Variants in PEX14 observed in about 807,000 individuals in gnomAD.
The protein encoded by PEX14 is peroxisomal membrane protein PEX14.
Under a neutral mutation model 49.5 loss-of-function variants are expected in PEX14, and 15 were observed. The ratio of observed to expected loss-of-function variants is 0.30; its 90% confidence interval spans 0.20 to 0.47. The LOEUF (loss-of-function observed/expected upper bound fraction) is 0.47, where lower values mean the gene tolerates loss of function less well. Ranked by LOEUF, PEX14 falls within the 20% of genes least tolerant of loss-of-function variation. The pLI, the probability that PEX14 is intolerant of heterozygous loss-of-function variation, is 1.00. For synonymous variants in PEX14, 210 were observed against 212.7 expected, an observed-to-expected ratio of 0.99 and a Z score of 0.11; for missense variants, 398 against 494.8, an observed-to-expected ratio of 0.80 and a Z score of 1.86.
chr1:10,504,580 C>T (rs1201962945), intron 2 of PEX14, among the ~76,000 whole-genome samples: 1 of 152,134 alleles, frequency 6.6e-6, no homozygotes, highest in Non-Finnish European at 1.5e-5. Flanking sequence ...CTGTGTCTGC[C>T]AAGAGGCCTT....
chr1:10,481,481 A>C (rs1187614950), intron 1 of PEX14, among the ~76,000 whole-genome samples: 3 of 151,818 alleles, frequency 2.0e-5, no homozygotes, highest in African/African-American at 7.3e-5. Flanking sequence ...TTACTCTGTC[A>C]CCCAGTCTGG....
At chr1:10,585,834 T>C (rs925751236) in intron 3 of PEX14, among the ~76,000 whole-genome samples, 1 of 152,178 alleles carries the variant, frequency 6.6e-6, no homozygotes, top group Admixed American at 6.5e-5. Flanking sequence ...AGACAAAGAT[T>C]GCGGTGAGTG....
intron 3 of PEX14, among the ~76,000 whole-genome samples, chr1:10,571,589 A>T (rs552943252): frequency 6.6e-6 from 1 of 152,150 alleles, no homozygotes; most frequent in Non-Finnish European, 1.5e-5. Flanking sequence ...CGGGCGGATC[A>T]CTTGAGCTTA....
At chr1:10,545,261 T>C (rs893986944) in intron 3 of PEX14, among the ~76,000 whole-genome samples, 12 of 152,228 alleles carry the variant, frequency 7.9e-5, no homozygotes, top group Non-Finnish European at 1.5e-5. Context: ...TGGGTTGTTT[T>C]CAGATTTTGG....
rs142578708 is a variant in PEX14, at chr1:10,596,194, T to C, written c.170-3044T>C. On this transcript the variant is annotated intron_variant, in intron 3 of 8. Coordinates refer to ENST00000356607, the MANE Select transcript of PEX14 (RefSeq NM_004565.3). The stretch of plus-strand genomic sequence containing the variant: ...TTCCAAATGAATCACCTGAGTCCTG[T>C]AAATGCAGTCTTAAAGCTGGCCAGT... Among the ~76,000 whole-genome samples the C allele has an allele frequency of 1.4e-4, 21 of 152,318 alleles. No individual in the cohort carries two copies. The East Asian group carries it at 3.7e-3, about 27-fold the overall frequency.
intron 3 of PEX14, among the ~76,000 whole-genome samples, chr1:10,548,149 G>A (rs1030187188): frequency 2.6e-5 from 4 of 152,188 alleles, no homozygotes; most frequent in South Asian, 2.1e-4. Flanking sequence ...CCCTGGAGGC[G>A]GAGGTTGCAG....
intron 1 of PEX14, among the ~76,000 whole-genome samples, chr1:10,482,880 G>A (rs935125836): frequency 6.6e-6 from 1 of 152,050 alleles, no homozygotes; most frequent in African/African-American, 2.4e-5. Flanking sequence ...ATTTTTTATG[G>A]TATTGACATG....
At chr1:10,565,533 A>C (rs1639777802) in intron 3 of PEX14, among the ~76,000 whole-genome samples, 1 of 152,238 alleles carries the variant, frequency 6.6e-6, no homozygotes, top group Admixed American at 6.5e-5. Context: ...AGTTAGACGC[A>C]GAAAGCCTCT....
In PEX14 at chr1:10,520,148, C is replaced by CTT. The variant is rs565247030; in HGVS notation, c.85-16052_85-16051dup. Among the ~76,000 whole-genome samples the CTT allele has an allele frequency of 1.1e-3, 76 of 69,162 alleles. 2 individuals carry two copies. The highest frequency in any genetic ancestry group is 4.5e-3 in the South Asian group (11 of 2,440). The allele number at this position is 69,162 out of a possible 152,430, so 45.4% of individuals were successfully genotyped here. ...AGCTGTTGTGCCTGGCCTTCTTCTT[C>CTT]TTTTTTTTTTTTTTGTTTTTTTAAC... On this transcript the variant is annotated intron_variant, in intron 2 of 8. Transcript: ENST00000356607.
At chr1:10,576,639 A>G (rs1200671939) in intron 3 of PEX14, among the ~76,000 whole-genome samples, 1 of 152,012 alleles carries the variant, frequency 6.6e-6, no homozygotes, top group African/African-American at 2.4e-5. Flanking sequence ...GTTGTTTAGT[A>G]TGCTTCCTCT....
In PEX14 at chr1:10,494,956, C is replaced by T. The variant is rs573579922; in HGVS notation, c.37-318C>T. ...CCTTTTCTCTGGACTCTACTCTTCC[C>T]GTGGATTTTGGGATGGTCCCCAGCC... is the stretch of plus-strand genomic sequence containing the variant. On this transcript the variant is annotated intron_variant, in intron 1 of 8. Coordinates refer to ENST00000356607, the MANE Select transcript of PEX14 (RefSeq NM_004565.3). This position sits in a 1 kb window ranked among gnomAD's most constrained non-coding sequence, Gnocchi z 4.3. The T allele has an allele frequency of 1.6e-5, 3 of 193,052 alleles. No homozygotes were observed. The highest frequency in any genetic ancestry group is 6.5e-5 in the Admixed American group (1 of 15,348). 12.0% of individuals were successfully genotyped at this position (193,052 alleles called of 1,614,324 possible). A position where few individuals can be genotyped will look rare whatever the true frequency, so the allele number is the denominator to read the frequency against.
Position 10,495,299 on chromosome 1 carries a change from A to C in PEX14, c.62A>C (p.Asn21Thr). ...CCAAGCTCTACTCCAGGAAGTGAAA[A>C]TGTGCTGCCTCGAGAGCCGCTGGTA... ...SQPSSTPGSE[N>T]VLPREPLIAT... The change falls in exon 2 of 9, where the codon AAT (asparagine) becomes ACT (threonine). Residue 21 changes from asparagine to threonine, a missense_variant. Asn to Thr is a moderately conservative substitution (Grantham distance 65). Transcript: ENST00000356607. The surrounding 1 kb of genome is among the most constrained non-coding windows in gnomAD (Gnocchi z 4.2). 1 of 1,613,994 alleles carries C rather than the reference A, an allele frequency of 6.2e-7. No homozygotes were observed. The highest frequency in any genetic ancestry group is 8.5e-7 in the Non-Finnish European group (1 of 1,179,932).
At chr1:10,536,048 G>A (rs1000053629) in intron 2 of PEX14, 165 bp from the exon 3 acceptor site, 11 of 648,778 alleles carry the variant, frequency 1.7e-5, no homozygotes, top group African/African-American at 7.3e-5. Context: ...AAACAACATC[G>A]CCTTTCATTT....
At chr1:10,551,759 T>C (rs999556808) in intron 3 of PEX14, among the ~76,000 whole-genome samples, 4 of 152,176 alleles carry the variant, frequency 2.6e-5, no homozygotes, top group South Asian at 2.1e-4. Context: ...CCAACCAGTT[T>C]GGTATCAGGG....
chr1:10,592,712 A>G (rs1258341764), intron 3 of PEX14, among the ~76,000 whole-genome samples: 1 of 152,218 alleles, frequency 6.6e-6, no homozygotes, highest in Non-Finnish European at 1.5e-5. Context: ...ATGTACAGAA[A>G]CTTTCGATCT....
At chr1:10,520,671 C>G (rs1158839770) in intron 2 of PEX14, among the ~76,000 whole-genome samples, 1 of 152,216 alleles carries the variant, frequency 6.6e-6, no homozygotes, top group Non-Finnish European at 1.5e-5. Flanking sequence ...AGCATCCAGA[C>G]AGCATCTGCT....
intron 2 of PEX14, among the ~76,000 whole-genome samples, chr1:10,503,147 G>T (rs150692806): frequency 5.9e-5 from 9 of 151,276 alleles, no homozygotes; most frequent in Admixed American, 1.3e-4. Flanking sequence ...CTTTCAGAGG[G>T]AAAAGTTCTG....
intron 7 of PEX14, among the ~76,000 whole-genome samples, chr1:10,625,318 C>T (rs974650133): frequency 1.3e-5 from 2 of 152,174 alleles, no homozygotes; most frequent in African/African-American, 4.8e-5. Flanking sequence ...TGTCCCTTGT[C>T]CCACAGCTCT....
At position 10,545,139 on chromosome 1, in the gene PEX14, C is replaced by T. The variant is rs1408735043; in HGVS notation, c.169+8842C>T. ...TTTTTTTTGTTCTGGCTTTTCCACT[C>T]AGCATAATTACTTTGAAGTTTGGCC... On this transcript the variant is annotated intron_variant, in intron 3 of 8. Transcript: ENST00000356607. Among the ~76,000 whole-genome samples, 4 of 152,268 alleles carry T rather than the reference C, an allele frequency of 2.6e-5. No individual in the cohort carries two copies. In the East Asian group the frequency reaches 7.7e-4, roughly 29 times the overall value.
Sources: allele counts gnomAD v4.1 joint callset (sites outside exome capture counted in the v4.1 genomes callset), GRCh38; gene constraint gnomAD v4.1.1; non-coding constraint Gnocchi (gnomAD v3.1); transcripts MANE v1.5; gene names NCBI Gene and HGNC (gene_info 2026-07-23, HGNC 2026-07-21).